Variants in SMIM31 observed in about 807,000 individuals in gnomAD.
SMIM31 encodes the protein small integral membrane protein 31, also known as human epithelial cell program regulator.
chr4:164,766,752 C>T (rs1416687830), intron 1 of SMIM31, among the ~76,000 whole-genome samples: 5 of 150,594 alleles, frequency 3.3e-5, no homozygotes, highest in East Asian at 3.9e-4. Flanking sequence ...GAGCTGAGAT[C>T]GTGCCACTGC....
intron 1 of SMIM31, among the ~76,000 whole-genome samples, chr4:164,762,827 G>A (rs1732670562): frequency 2.0e-5 from 3 of 152,140 alleles, no homozygotes; most frequent in Non-Finnish European, 4.4e-5. Context: ...ACACAGTTGT[G>A]GGTGAGTTTA....
At chr4:164,797,833 C>G (rs1034777155) in intron 2 of SMIM31, among the ~76,000 whole-genome samples, 2 of 152,096 alleles carry the variant, frequency 1.3e-5, no homozygotes, top group Non-Finnish European at 2.9e-5. Flanking sequence ...ACCCATTACC[C>G]AAATAGTCAA....
chr4:164,772,047 A>G (rs947230734), intron 2 of SMIM31, among the ~76,000 whole-genome samples: 6 of 152,238 alleles, frequency 3.9e-5, no homozygotes, highest in African/African-American at 1.4e-4. Flanking sequence ...TTGCACTGCT[A>G]TAAAGAAATA....
intron 2 of SMIM31, among the ~76,000 whole-genome samples, chr4:164,791,962 A>G (rs143728564): frequency 6.6e-6 from 1 of 152,262 alleles, no homozygotes; most frequent in African/African-American, 2.4e-5. Context: ...CTGGTTTTCT[A>G]TTCAATATTA....
intron 1 of SMIM31, among the ~76,000 whole-genome samples, chr4:164,766,831 A>G (rs1732727050): frequency 6.6e-6 from 1 of 152,094 alleles, no homozygotes; most frequent in African/African-American, 2.4e-5. Context: ...GCAATGGAGA[A>G]TAGCTGTGAT....
At chr4:164,779,724 CT>C (rs1294266673) in intron 2 of SMIM31, among the ~76,000 whole-genome samples, 2 of 152,142 alleles carry the variant, frequency 1.3e-5, no homozygotes, top group Non-Finnish European at 1.5e-5. Context: ...AAATTTCAGG[CT>C]TGTTTTAAAT....
At chr4:164,784,285 G>C (rs537442530) in intron 2 of SMIM31, among the ~76,000 whole-genome samples, 1 of 152,294 alleles carries the variant, frequency 6.6e-6, no homozygotes, top group Admixed American at 6.5e-5. Context: ...AGTTATTATA[G>C]ACTAATGACC....
chr4:164,790,136 A>G (rs1224327343), intron 2 of SMIM31, among the ~76,000 whole-genome samples: 2 of 152,194 alleles, frequency 1.3e-5, no homozygotes, highest in African/African-American at 4.8e-5. Flanking sequence ...GAATTCTTCT[A>G]GGCACATTTT....
chr4:164,768,235 CAAAA>C (rs58450552), intron 1 of SMIM31, among the ~76,000 whole-genome samples: 3 of 75,820 alleles, frequency 4.0e-5, no homozygotes, highest in South Asian at 4.3e-4. Flanking sequence ...GACTTTGTCA[CAAAA>C]AAAAAAAAAG....
At chr4:164,768,427 CA>C (rs758951225) in intron 1 of SMIM31, among the ~76,000 whole-genome samples, 8,509 of 94,600 alleles carry the variant, frequency 0.09, 394 homozygotes, top group African/African-American at 0.17. Context: ...CAGTACATCT[CA>C]AAAAAAAAAA....
intron 1 of SMIM31, among the ~76,000 whole-genome samples, chr4:164,757,522 T>C (rs924178159): frequency 5.9e-5 from 8 of 135,022 alleles, no homozygotes; most frequent in Non-Finnish European, 1.2e-4. Flanking sequence ...TCCACTATGC[T>C]TTTTTTTTTA....
intron 2 of SMIM31, among the ~76,000 whole-genome samples, chr4:164,786,964 A>G (rs964339068): frequency 3.3e-5 from 5 of 152,232 alleles, no homozygotes; most frequent in African/African-American, 1.2e-4. Flanking sequence ...AATTGCTAAT[A>G]GAACCATGAG....
chr4:164,786,723 G>A (rs1313560957), intron 2 of SMIM31, among the ~76,000 whole-genome samples: 3 of 152,158 alleles, frequency 2.0e-5, no homozygotes, highest in African/African-American at 7.2e-5. Flanking sequence ...AGCCAATGAA[G>A]CCGGATTAAA....
At chr4:164,782,372 C>CTTTTTTTTTTTT (rs1359094792) in intron 2 of SMIM31, among the ~76,000 whole-genome samples, 1 of 135,876 alleles carries the variant, frequency 7.4e-6, no homozygotes, top group African/African-American at 3.4e-5. Flanking sequence ...TTATCTCTTT[C>CTTTTTTTTTTTT]TTTTATTTTT....
intron 1 of SMIM31, among the ~76,000 whole-genome samples, chr4:164,761,871 C>T (rs1200690498): frequency 6.6e-6 from 1 of 151,646 alleles, no homozygotes; most frequent in South Asian, 2.1e-4. Flanking sequence ...TGAAGTGAGC[C>T]GAGATCCTGC....
At chr4:164,758,960 G>A (rs1423759957) in intron 1 of SMIM31, among the ~76,000 whole-genome samples, 1 of 151,062 alleles carries the variant, frequency 6.6e-6, no homozygotes, top group Non-Finnish European at 1.5e-5. Flanking sequence ...GAGCCACCGC[G>A]CCCTGCCTCA....
chr4:164,774,762 C>G (rs1732858524), intron 2 of SMIM31, among the ~76,000 whole-genome samples: 1 of 152,100 alleles, frequency 6.6e-6, no homozygotes, highest in Admixed American at 6.6e-5. Context: ...TTTTTAGTTT[C>G]AAGTTTCAAT....
intron 2 of SMIM31, among the ~76,000 whole-genome samples, chr4:164,795,268 T>C (rs1733174066): frequency 1.3e-5 from 2 of 152,086 alleles, no homozygotes; most frequent in African/African-American, 4.8e-5. Context: ...TAAGAGCTAC[T>C]TCGCAGGAGC....
At chr4:164,779,357 A>G (rs1014459433) in intron 2 of SMIM31, among the ~76,000 whole-genome samples, 1 of 152,182 alleles carries the variant, frequency 6.6e-6, no homozygotes, top group African/African-American at 2.4e-5. Flanking sequence ...AATTGTTAGG[A>G]AAAAAATGCC....
Sources: gnomAD v4.1 joint callset for allele counts (sites outside exome capture counted in the v4.1 genomes callset) on GRCh38, gnomAD v4.1.1 for gene constraint, MANE v1.5 for transcripts, NCBI Gene and HGNC (gene_info 2026-07-23, HGNC 2026-07-21) for gene names.